JMJD1C: variants seen among roughly 807,000 people sequenced by gnomAD.
JMJD1C encodes the protein jumonji domain-containing protein 1C.
Under a neutral mutation model 245.3 loss-of-function variants are expected in JMJD1C, and 31 were observed. The observed-to-expected ratio is 0.13, with a 90% CI of 0.09 to 0.17. The LOEUF (loss-of-function observed/expected upper bound fraction) is 0.17, where lower values mean the gene tolerates loss of function less well. Among genes scored for constraint, JMJD1C ranks in the 10% least tolerant of loss-of-function variants. JMJD1C has a pLI of 1.00. For synonymous variants in JMJD1C, 1,057 were observed against 1,017.4 expected (o/e 1.04, Z -0.74); for missense variants, 2,691 against 3,000.2 (o/e 0.90, Z 2.41).
intron 2 of JMJD1C, among the ~76,000 whole-genome samples, chr10:63,318,169 G>C (rs1037271470): frequency 4.6e-5 from 7 of 152,068 alleles, no homozygotes; most frequent in African/African-American, 1.7e-4. Context: ...AACACGCCCA[G>C]CTAATTTTTG....
intron 2 of JMJD1C, among the ~76,000 whole-genome samples, chr10:63,288,227 A>G (rs1173506340): frequency 1.3e-5 from 2 of 152,188 alleles, no homozygotes; most frequent in Non-Finnish European, 2.9e-5. Context: ...TTCAAGAGTC[A>G]ACTGTACTTG....
In JMJD1C at chr10:63,436,833, T is replaced by C. The variant is rs539824372; in HGVS notation, c.168+28662A>G. On this transcript the variant is annotated intron_variant, in intron 1 of 25. Transcript: ENST00000399262. ...CATAAGAAATCCTATCTTAGACCCT[T>C]ATCATGGCCCCAAACAGCAATCCCT... 3.9e-5 allele frequency among the ~76,000 whole-genome samples: 6 copies of C among 152,238 alleles called. No individual in the cohort carries two copies. In the East Asian group the frequency reaches 1.2e-3, roughly 29 times the overall value.
chr10:63,428,013 C>A, intron 1 of JMJD1C: 1 of 648,602 alleles, frequency 1.5e-6, no homozygotes, highest in Admixed American at 2.5e-5. Flanking sequence ...GTGCTGTCCA[C>A]TGTACTTTAT....
At chr10:63,437,145 G>C in intron 1 of JMJD1C, among the ~76,000 whole-genome samples, 1 of 152,092 alleles carries the variant, frequency 6.6e-6, no homozygotes, top group Non-Finnish European at 1.5e-5. Context: ...TAATCAATCA[G>C]CTGAACATAG....
rs1845900106 is a variant in JMJD1C at position 63,200,542 on chromosome 10, A to G, written c.5210T>C (p.Ile1737Thr). 1 of 1,614,020 alleles carries G rather than the reference A, an allele frequency of 6.2e-7. No homozygotes were observed. The highest frequency in any genetic ancestry group is 8.5e-7 in the Non-Finnish European group (1 of 1,179,926). ...TGGTTCTTCTCCTTTTTTACTGCGA[A>G]TAAGTCTACATTCTCGACACTTTTG... is the stretch of plus-strand genomic sequence containing the variant. ...NLQKCRECRL[I>T]RSKKGEEPAH... Residue 1737 changes from isoleucine (I) to threonine (T), a missense_variant, in exon 11 of 26, where the codon ATT becomes ACT. Ile to Thr is a moderately conservative substitution (Grantham distance 89). Coordinates refer to ENST00000399262, the MANE Select transcript of JMJD1C (RefSeq NM_032776.3).
chr10:63,349,733 AT>A lies in JMJD1C; in HGVS notation c.333+30584del, dbSNP rs528959669. On this transcript the variant is annotated intron_variant, in intron 2 of 25. Transcript: ENST00000399262. ...CTTCATAGGTGGGGGAAAAGTATGA[AT>A]AAAAGAATGGACATGTAAAAACACC... 6.7e-4 allele frequency among the ~76,000 whole-genome samples: 102 copies of A among 152,314 alleles called. 1 individual carries two copies. Among genetic ancestry groups the A allele is most frequent in the African/African-American group, 2.4e-3 (99 of 41,588 alleles).
chr10:63,393,397 G>C (rs1948233103), intron 1 of JMJD1C, among the ~76,000 whole-genome samples: 1 of 152,190 alleles, frequency 6.6e-6, no homozygotes, highest in Admixed American at 6.5e-5. Context: ...ACAGATGCTG[G>C]TGAGGATGTA....
chr10:63,268,742 A>T (rs1430661301), intron 2 of JMJD1C: 7 of 985,238 alleles, frequency 7.1e-6, no homozygotes, highest in Non-Finnish European at 7.2e-6. Flanking sequence ...GTATTTGCTG[A>T]AATTTCTATT....
At chr10:63,367,258 G>C (rs2134404005) in intron 2 of JMJD1C, among the ~76,000 whole-genome samples, 1 of 151,956 alleles carries the variant, frequency 6.6e-6, no homozygotes, top group East Asian at 1.9e-4. Flanking sequence ...TTTTGTTGTT[G>C]TTTGTTTTGA....
At chr10:63,305,276 G>C (rs1369624669) in intron 2 of JMJD1C, among the ~76,000 whole-genome samples, 2 of 151,102 alleles carry the variant, frequency 1.3e-5, no homozygotes, top group African/African-American at 4.9e-5. Context: ...GCTGAGGCAG[G>C]AGAATCGCTT....
intron 1 of JMJD1C, among the ~76,000 whole-genome samples, chr10:63,456,670 T>C (rs1952435145): frequency 6.6e-6 from 1 of 152,154 alleles, no homozygotes. Flanking sequence ...ATTCTAGGAA[T>C]GCTGACTATT....
At chr10:63,306,800 G>T (rs964656460) in intron 2 of JMJD1C, among the ~76,000 whole-genome samples, 2 of 152,132 alleles carry the variant, frequency 1.3e-5, no homozygotes, top group South Asian at 4.1e-4. Context: ...AAATATTCAA[G>T]TAAATACAAT....
chr10:63,224,302 A>AT (rs1411507820), intron 3 of JMJD1C, among the ~76,000 whole-genome samples: 1 of 152,092 alleles, frequency 6.6e-6, no homozygotes, highest in African/African-American at 2.4e-5. Flanking sequence ...TTTTAATAAG[A>AT]TTTTTTCTTA....
At chr10:63,267,094 C>T (rs929267616) in intron 2 of JMJD1C, among the ~76,000 whole-genome samples, 1 of 152,126 alleles carries the variant, frequency 6.6e-6, no homozygotes, top group African/African-American at 2.4e-5. Flanking sequence ...AATACTCTTA[C>T]AAGGACATGA....
At chr10:63,210,762 C>T (rs758086594) in intron 8 of JMJD1C, among the ~76,000 whole-genome samples, 1 of 152,132 alleles carries the variant, frequency 6.6e-6, no homozygotes, top group Non-Finnish European at 1.5e-5. Flanking sequence ...AATCTGAGTA[C>T]AGTAGGGCAC....
chr10:63,370,054 A>G (rs1035849152), intron 2 of JMJD1C, among the ~76,000 whole-genome samples: 4 of 152,232 alleles, frequency 2.6e-5, no homozygotes, highest in Non-Finnish European at 5.9e-5. Flanking sequence ...AAAGACTCAG[A>G]TGAGTTTCTT....
chr10:63,187,168 A>G (rs1425780443), intron 18 of JMJD1C, among the ~76,000 whole-genome samples: 2 of 152,156 alleles, frequency 1.3e-5, no homozygotes, highest in Non-Finnish European at 2.9e-5. Context: ...AAAACACCCT[A>G]AATTCTGGTT....
chr10:63,385,554 T>G (rs1947530633), intron 1 of JMJD1C, among the ~76,000 whole-genome samples: 1 of 149,496 alleles, frequency 6.7e-6, no homozygotes, highest in Non-Finnish European at 1.5e-5. Context: ...CCTCCCACCA[T>G]GGCCTCCCAA....
intron 1 of JMJD1C, among the ~76,000 whole-genome samples, chr10:63,389,267 G>A (rs1380944696): frequency 5.5e-5 from 8 of 144,376 alleles, no homozygotes; most frequent in Admixed American, 3.6e-4. Context: ...AGCTGAGATC[G>A]TGCCAATACA....
Sources: allele counts gnomAD v4.1 joint callset (sites outside exome capture counted in the v4.1 genomes callset), GRCh38; gene constraint gnomAD v4.1.1; transcripts MANE v1.5; gene names NCBI Gene and HGNC (gene_info 2026-07-23, HGNC 2026-07-21).